The following CADM2 variants were observed in gnomAD, a reference collection of about 807,000 sequenced individuals.
CADM2 encodes the protein immunoglobulin superfamily member 4D.
CADM2 carries 12 observed loss-of-function variants against 49.8 expected under a neutral mutation model. That is an observed-to-expected ratio of 0.24 (90% CI 0.15 to 0.39). CADM2 has a LOEUF of 0.39. CADM2 is among the 10% of genes least tolerant of loss of function. The probability of loss-of-function intolerance (pLI) is 1.00; values close to 1 mark genes in which losing one functional copy is unlikely to be tolerated. For missense variants in CADM2, 378 were observed against 492.3 expected (o/e 0.77, Z 2.20); for synonymous variants, 214 against 175.4 (o/e 1.22, Z -1.74).
At chr3:85,097,828 C>CT (rs34279487) in intron 1 of CADM2, among the ~76,000 whole-genome samples, 1 of 152,082 alleles carries the variant, frequency 6.6e-6, no homozygotes, top group Non-Finnish European at 1.5e-5. Context: ...TTCATGTTGA[C>CT]TTTTTCCTTA....
intron 8 of CADM2, among the ~76,000 whole-genome samples, chr3:86,017,503 C>T (rs529227710): frequency 6.6e-6 from 1 of 151,916 alleles, no homozygotes; most frequent in South Asian, 2.1e-4. Context: ...GGCCAAGACC[C>T]GCAGATCGCT....
rs189436653 is a variant in CADM2, at chr3:85,506,590, G to A, written c.62-219932G>A. On this transcript the variant is annotated intron_variant, in intron 1 of 9. Transcript: ENST00000383699. ...TTTTTTTTATTTTTTTAAGAGCCGG[G>A]ATATCACTATGTTGCCCAGGCTGGA... Among the ~76,000 whole-genome samples the A allele has an allele frequency of 3.3e-4, 50 of 151,944 alleles. No individual in the cohort carries two copies. In the East Asian group the frequency reaches 8.5e-3, roughly 26 times the overall value.
At position 85,321,495 on chromosome 3, in the gene CADM2, A is replaced by G. The variant is rs117237888; in HGVS notation, c.61+361827A>G. On this transcript the variant is annotated intron_variant, in intron 1 of 9. Coordinates refer to ENST00000383699, the MANE Select transcript of CADM2 (RefSeq NM_001167675.2). Reference sequence around the variant, plus strand: ...CCACTGCACCCAAACACTTATTTTTATTTTAATTAGTATTATAGACAAGGC... The same window carrying G: ...CCACTGCACCCAAACACTTATTTTTGTTTTAATTAGTATTATAGACAAGGC... Among the ~76,000 whole-genome samples, 39 of 152,024 alleles carry G rather than the reference A, an allele frequency of 2.6e-4. 1 individual carries two copies. The East Asian group carries it at 7.2e-3, about 28-fold the overall frequency.
intron 1 of CADM2, among the ~76,000 whole-genome samples, chr3:85,596,649 A>T (rs2063248404): frequency 6.6e-6 from 1 of 152,104 alleles, no homozygotes; most frequent in Non-Finnish European, 1.5e-5. Flanking sequence ...AGTGCAGCCC[A>T]GTTAACAAGG....
chr3:85,665,605 T>C (rs1252283028), intron 1 of CADM2, among the ~76,000 whole-genome samples: 1 of 151,984 alleles, frequency 6.6e-6, no homozygotes, highest in Non-Finnish European at 1.5e-5. Context: ...AGAAGGACCC[T>C]TTCCTGAGTG....
At chr3:85,507,182 A>ATTTTTTTTTTTTTTTTT (rs71108295) in intron 1 of CADM2, among the ~76,000 whole-genome samples, 1 of 127,270 alleles carries the variant, frequency 7.9e-6, no homozygotes. Context: ...CACCCAGTGT[A>ATTTTTTTTTTTTTTTTT]TTTTTTTTTT....
chr3:85,600,343 G>C lies in CADM2; in HGVS notation c.62-126179G>C, dbSNP rs972420140. On this transcript the variant is annotated intron_variant, in intron 1 of 9. Coordinates refer to ENST00000383699, the MANE Select transcript of CADM2 (RefSeq NM_001167675.2). ...ACCTATAACTTTGTAAAGTCCATTA[G>C]GGTAGGAACAATATCTGTCTTGTTC... 2.0e-5 allele frequency among the ~76,000 whole-genome samples: 3 copies of C among 151,904 alleles called. No homozygotes were observed. The South Asian group carries it at 6.2e-4, about 31-fold the overall frequency.
chr3:85,105,349 T>C (rs927192682), intron 1 of CADM2, among the ~76,000 whole-genome samples: 3 of 152,160 alleles, frequency 2.0e-5, no homozygotes, highest in African/African-American at 7.2e-5. Context: ...GAAAAAATGC[T>C]CACCATCACT....
chr3:86,059,232 A>G (rs923072152), intron 8 of CADM2, among the ~76,000 whole-genome samples: 1 of 152,158 alleles, frequency 6.6e-6, no homozygotes, highest in African/African-American at 2.4e-5. Flanking sequence ...AGAAAACACA[A>G]TAGACTAGAC....
intron 5 of CADM2, among the ~76,000 whole-genome samples, chr3:85,905,763 T>C (rs1048647258): frequency 2.6e-5 from 4 of 152,140 alleles, no homozygotes; most frequent in Non-Finnish European, 5.9e-5. Context: ...TCCCAATGGG[T>C]AATTTTAATT....
intron 1 of CADM2, among the ~76,000 whole-genome samples, chr3:84,993,765 A>G (rs1483244109): frequency 6.6e-6 from 1 of 152,206 alleles, no homozygotes; most frequent in African/African-American, 2.4e-5. Context: ...CTTAGGGTGC[A>G]GAACAGAGAA....
chr3:84,969,356 A>C (rs576615633), intron 1 of CADM2, among the ~76,000 whole-genome samples: 26 of 152,128 alleles, frequency 1.7e-4, no homozygotes, highest in African/African-American at 6.3e-4. Flanking sequence ...TAGACAAAAG[A>C]ATGCCATCTG....
intron 8 of CADM2, among the ~76,000 whole-genome samples, chr3:85,991,411 C>G (rs1034285498): frequency 6.6e-6 from 1 of 152,114 alleles, no homozygotes; most frequent in Non-Finnish European, 1.5e-5. Flanking sequence ...TAGGATAAAA[C>G]AGAATTGCAT....
intron 1 of CADM2, among the ~76,000 whole-genome samples, chr3:85,630,705 C>T (rs1202139935): frequency 6.6e-6 from 1 of 151,996 alleles, no homozygotes; most frequent in Non-Finnish European, 1.5e-5. Flanking sequence ...TTTAGAATAA[C>T]TCAGTTGGCA....
chr3:85,925,191 TG>T (rs1477664083), intron 6 of CADM2, among the ~76,000 whole-genome samples: 98 of 152,322 alleles, frequency 6.4e-4, no homozygotes, highest in African/African-American at 2.3e-3. Context: ...CCAAGTACTA[TG>T]GTGTCTACAA....
intron 1 of CADM2, among the ~76,000 whole-genome samples, chr3:85,701,764 A>T (rs1312388082): frequency 6.6e-6 from 1 of 152,152 alleles, no homozygotes; most frequent in African/African-American, 2.4e-5. Context: ...CATAGAAAAG[A>T]TGCTCTCTAC....
chr3:85,799,977 G>T (rs972695055), intron 2 of CADM2: 1 of 152,328 alleles, frequency 6.6e-6, no homozygotes, highest in Non-Finnish European at 1.5e-5. Flanking sequence ...TGTTGAAGCT[G>T]CACCCACAGC....
chr3:85,328,055 T>C (rs2044805035), intron 1 of CADM2, among the ~76,000 whole-genome samples: 1 of 152,210 alleles, frequency 6.6e-6, no homozygotes, highest in South Asian at 2.1e-4. Context: ...AGAGAGAAAT[T>C]GTCTTCTAGT....
At chr3:86,033,903 A>C (rs1018211592) in intron 8 of CADM2, among the ~76,000 whole-genome samples, 8 of 150,590 alleles carry the variant, frequency 5.3e-5, no homozygotes, top group Non-Finnish European at 8.9e-5. Flanking sequence ...AAACAATTTT[A>C]TACTTAAACC....
Sources: allele counts gnomAD v4.1 joint callset (sites outside exome capture counted in the v4.1 genomes callset), GRCh38; gene constraint gnomAD v4.1.1; transcripts MANE v1.5; gene names NCBI Gene and HGNC (gene_info 2026-07-23, HGNC 2026-07-21).